Variants in ARSH observed in about 807,000 individuals in gnomAD.
ARSH encodes arylsulfatase H.
A neutral mutation model predicts 28.7 loss-of-function variants in ARSH; 32 were observed. The ratio of observed to expected loss-of-function variants is 1.11; its 90% confidence interval spans 0.84 to 1.50. The LOEUF is 1.50. ARSH is among the 40% of genes most tolerant of loss of function. The pLI is 0.00. For missense variants in ARSH, 440 were observed against 452.4 expected (o/e 0.97, Z 0.25); for synonymous variants, 176 against 177.3 (o/e 0.99, Z 0.06).
intron 1 of ARSH, among the ~76,000 whole-genome samples, chrX:3,008,475 TTC>T (rs1343690988): frequency 1.2e-3 from 122 of 100,329 alleles, no homozygotes; most frequent in African/African-American, 4.3e-3. Flanking sequence ...CTTTCTTTCT[TTC>T]TTTCTTTCTT....
At chrX:3,023,942 A>G in intron 5 of ARSH, 79 bp from the exon 6 acceptor site, 4 of 1,092,822 alleles carry the variant, frequency 3.7e-6, no homozygotes, top group Non-Finnish European at 5.0e-6. Context: ...TGTAATAAAT[A>G]CATAGTAGCA....
chrX:3,033,190 C>G lies in ARSH; in HGVS notation c.1494C>G (p.Asp498Glu). Residue 498 changes from aspartate (D) to glutamate (E), a missense_variant, in exon 9 of 9, where the codon GAC (aspartate) becomes GAG (glutamate). By Grantham distance (45) the Asp-to-Glu change is conservative (BLOSUM62 2). Coordinates refer to ENST00000381130, the MANE Select transcript of ARSH (RefSeq NM_001011719.2). Reference protein sequence around the residue: ...DPSEALPLNPDNEPLFDSVIK... With the variant: ...DPSEALPLNPENEPLFDSVIK... ...CAGAAGCCCTTCCACTGAACCCTGA[C>G]AATGAGCCATTATTTGACTCCGTGA... The G allele has an allele frequency of 8.3e-7, 1 of 1,211,516 alleles. No individual in the cohort carries two copies. The highest frequency in any genetic ancestry group is 1.1e-6 in the Non-Finnish European group (1 of 895,417).
At chrX:3,013,845 C>T (rs923294330) in intron 3 of ARSH, among the ~76,000 whole-genome samples, 3 of 111,430 alleles carry the variant, frequency 2.7e-5, no homozygotes, top group African/African-American at 9.8e-5. Context: ...CATGTATTCC[C>T]ATGCAACTCC....
intron 7 of ARSH, 95 bp from the exon 8 acceptor site, chrX:3,029,149 TTCC>T (rs369931549): frequency 3.2e-3 from 2,809 of 868,994 alleles, no homozygotes; most frequent in Non-Finnish European, 3.5e-3. Context: ...CCCCTTCCTT[TTCC>T]TCCTCCTCCT....
intron 7 of ARSH, among the ~76,000 whole-genome samples, chrX:3,029,039 T>C (rs774419480): frequency 9.4e-6 from 1 of 105,963 alleles, no homozygotes; most frequent in South Asian, 4.4e-4. Flanking sequence ...GATCGCACCA[T>C]TGCACTCCAG....
intron 4 of ARSH, among the ~76,000 whole-genome samples, chrX:3,016,534 T>G (rs2089866892): frequency 9.0e-6 from 1 of 110,960 alleles, no homozygotes; most frequent in African/African-American, 3.3e-5. Flanking sequence ...ATAACTATAA[T>G]GAGCTCTCAT....
At chrX:3,007,042 G>A (rs939296675) in intron 1 of ARSH, among the ~76,000 whole-genome samples, 7 of 109,056 alleles carry the variant, frequency 6.4e-5, no homozygotes, top group African/African-American at 1.3e-4. Flanking sequence ...AGGAGTTTGC[G>A]ATCAGCCTGG....
rs776671829 is a variant in ARSH, at chrX:3,018,610, G to C, written c.841G>C (p.Val281Leu). 5 of 1,208,737 alleles carry C rather than the reference G, an allele frequency of 4.1e-6. No homozygotes were observed. The African/African-American group carries it at 8.8e-5, about 21-fold the overall frequency. ...TCCACTCATCTCCAAAAAGAAGTTT[G>C]TTGGGCGCAGTAAATATGGCAGGTA... ...HTPLISKKKF[V>L]GRSKYGRYGD... The change falls in exon 5 of 9, where the codon GTT becomes CTT. Residue 281 changes from valine (V) to leucine (L), a missense_variant. Physicochemically the swap from Val to Leu is conservative, Grantham distance 32 (BLOSUM62 1). Transcript: ENST00000381130.
At chrX:3,019,838 A>G (rs1360583585) in intron 5 of ARSH, among the ~76,000 whole-genome samples, 2 of 111,446 alleles carry the variant, frequency 1.8e-5, no homozygotes, top group African/African-American at 6.5e-5. Flanking sequence ...ACTAGTTAAA[A>G]TTACTGAAGA....
intron 2 of ARSH, among the ~76,000 whole-genome samples, chrX:3,011,557 C>A (rs2089846739): frequency 9.0e-6 from 1 of 111,443 alleles, no homozygotes; most frequent in East Asian, 2.8e-4. Flanking sequence ...TGCCTAATTT[C>A]AGGGAATTTT....
rs905639461 is a variant in ARSH, at chrX:3,027,538, G to A, written c.1199+63G>A. 1.4e-5 allele frequency: 15 copies of A among 1,081,970 alleles called. No homozygotes were observed. In the African/African-American group the frequency reaches 2.7e-4, roughly 20 times the overall value. 89.2% of individuals were successfully genotyped at this position (1,081,970 alleles called of 1,213,427 possible). On this transcript the variant is annotated intron_variant, in intron 7 of 8. Coordinates refer to ENST00000381130, the MANE Select transcript of ARSH (RefSeq NM_001011719.2). ...TATTTGAACATAAGTGGATATACTTGATAATTCTATGTGTGTGTGTATGTA... is the reference window on the plus strand; with the variant it reads ...TATTTGAACATAAGTGGATATACTTAATAATTCTATGTGTGTGTGTATGTA...
chrX:3,027,301 C>G lies in ARSH; in HGVS notation c.1037-12C>G. 1 of 1,209,478 alleles carries G rather than the reference C, an allele frequency of 8.3e-7. No homozygotes were observed. Among genetic ancestry groups the G allele is most frequent in the Non-Finnish European group, 1.1e-6 (1 of 894,721 alleles). On this transcript the variant is annotated splice_polypyrimidine_tract_variant and intron_variant, in intron 6 of 8. Transcript: ENST00000381130. ...AACTCATCTTTGGTTGTGTCGTAAT[C>G]TTTGGTTTTAGGTGGCAAAGGAATG... is the stretch of plus-strand genomic sequence containing the variant.
chrX:3,009,929 A>T, intron 1 of ARSH, 101 bp from the exon 2 acceptor site: 1 of 1,003,022 alleles, frequency 1.0e-6, no homozygotes. Context: ...GGTTTACCAG[A>T]AATAGAGTCA....
chrX:3,010,194 T>C, intron 2 of ARSH, 43 bp downstream of exon 2: 2 of 1,174,121 alleles, frequency 1.7e-6, no homozygotes, highest in Non-Finnish European at 2.3e-6. Context: ...CTCACCAGAA[T>C]GCATTCTAAT....
chrX:3,019,093 C>T (rs912600459), intron 5 of ARSH, among the ~76,000 whole-genome samples: 4 of 109,862 alleles, frequency 3.6e-5, no homozygotes, highest in Non-Finnish European at 5.7e-5. Context: ...GGTGAAACCC[C>T]ATCTCTACTG....
intron 6 of ARSH, among the ~76,000 whole-genome samples, chrX:3,026,464 G>C (rs2089898969): frequency 8.9e-6 from 1 of 111,771 alleles, no homozygotes; most frequent in Non-Finnish European, 1.9e-5. Flanking sequence ...CTGCCTGTCA[G>C]ACAGGTGCGC....
At chrX:3,013,355 G>C (rs952224850) in intron 3 of ARSH, among the ~76,000 whole-genome samples, 183 bp downstream of exon 3, 4 of 105,622 alleles carry the variant, frequency 3.8e-5, no homozygotes, top group Non-Finnish European at 7.9e-5. Context: ...CGAGGGCATA[G>C]TATTGGAAAA....
Position 3,027,440 on chromosome X carries a change from G to A in ARSH, c.1164G>A (p.Leu388=), listed in dbSNP as rs1252860722. ...GCTTAATGGACATCTATCCGACGCT[G>A]TCTTATATAGGCGGAGGGATCTTGT... The part of the protein sequence containing the change: ...PTSLMDIYPT[L]SYIGGGILSQ... The change falls in exon 7 of 9, where the codon CTG becomes CTA. Residue 388 remains leucine (L), a synonymous_variant. Transcript: ENST00000381130. 3.3e-6 allele frequency: 4 copies of A among 1,211,769 alleles called. No individual in the cohort carries two copies. Among genetic ancestry groups the A allele is most frequent in the Non-Finnish European group, 4.5e-6 (4 of 895,491 alleles).
At chrX:3,020,487 G>T (rs1341834215) in intron 5 of ARSH, among the ~76,000 whole-genome samples, 1 of 103,367 alleles carries the variant, frequency 9.7e-6, no homozygotes. Flanking sequence ...TACTCCGGAG[G>T]CTGAGGCAGG....
Sources: allele counts gnomAD v4.1 joint callset (sites outside exome capture counted in the v4.1 genomes callset), GRCh38; gene constraint gnomAD v4.1.1; transcripts MANE v1.5; gene names NCBI Gene and HGNC (gene_info 2026-07-23, HGNC 2026-07-21).